Variants in CCDC169 observed in about 807,000 individuals in gnomAD.
The protein encoded by CCDC169 is coiled-coil domain-containing protein 169.
A neutral mutation model predicts 36.0 loss-of-function variants in CCDC169; 30 were observed. The observed-to-expected ratio is 0.83, with a 90% confidence interval of 0.62 to 1.13. CCDC169 has a LOEUF of 1.13. Among genes scored for constraint, CCDC169 ranks in the 50% most tolerant of loss-of-function variants. The pLI is 0.00. For missense variants in CCDC169, 245 were observed against 245.9 expected, an observed-to-expected ratio of 1.00 and a Z score of 0.03; for synonymous variants, 85 against 81.5, an observed-to-expected ratio of 1.04 and a Z score of -0.23.
At chr13:36,264,535 GAT>G (rs1192286780) in intron 4 of CCDC169, among the ~76,000 whole-genome samples, 9 of 152,180 alleles carry the variant, frequency 5.9e-5, no homozygotes, top group African/African-American at 1.9e-4. Context: ...TTAAAGAAGA[GAT>G]ATGATGAAAA....
In CCDC169 at chr13:36,245,523, T is replaced by C. The variant is rs182532430; in HGVS notation, c.545+3083A>G. On this transcript the variant is annotated intron_variant, in intron 7 of 7. Transcript: ENST00000239859. ...ATGTTTCCCAAGTTGGTCTTGAACT[T>C]GAGGCCTCAAGCAATCCTCCCGCCT... 2.8e-4 allele frequency among the ~76,000 whole-genome samples: 42 copies of C among 152,198 alleles called. No individual in the cohort carries two copies. In the Middle Eastern group the frequency reaches 0.01, roughly 37 times the overall value.
chr13:36,285,607 A>ATAGATAGATAGATAGATAGATAGC (rs1180330152), intron 2 of CCDC169, among the ~76,000 whole-genome samples: 1 of 149,162 alleles, frequency 6.7e-6, no homozygotes, highest in Admixed American at 6.8e-5. Context: ...AGATAGATAG[A>ATAGATAGATAGATAGATAGATAGC]TAGATAGATA....
At chr13:36,253,570 C>T (rs762955527) in intron 6 of CCDC169, among the ~76,000 whole-genome samples, 2 of 152,018 alleles carry the variant, frequency 1.3e-5, no homozygotes, top group African/African-American at 2.4e-5. Context: ...TGCCTGACCT[C>T]GTGATCCGAC....
intron 7 of CCDC169, among the ~76,000 whole-genome samples, chr13:36,238,831 G>A (rs1871392350): frequency 6.6e-6 from 1 of 152,126 alleles, no homozygotes; most frequent in Non-Finnish European, 1.5e-5. Context: ...CCAAACTGCA[G>A]AATGCAACTC....
At chr13:36,288,022 T>C (rs1033236802) in intron 2 of CCDC169, among the ~76,000 whole-genome samples, 2 of 152,110 alleles carry the variant, frequency 1.3e-5, no homozygotes, top group African/African-American at 2.4e-5. Context: ...TTAATTTTTT[T>C]TTTTGAGATG....
At chr13:36,241,068 A>C (rs1871764796) in intron 7 of CCDC169, among the ~76,000 whole-genome samples, 1 of 152,122 alleles carries the variant, frequency 6.6e-6, no homozygotes, top group Admixed American at 6.5e-5. Context: ...ATATAGTAGG[A>C]CTATAATAGT....
chr13:36,279,305 C>T (rs1348177746), intron 4 of CCDC169, among the ~76,000 whole-genome samples: 1 of 152,102 alleles, frequency 6.6e-6, no homozygotes, highest in African/African-American at 2.4e-5. Context: ...CCATGAATAC[C>T]AAACCCTTTA....
intron 4 of CCDC169, among the ~76,000 whole-genome samples, chr13:36,264,241 A>G (rs143402299): frequency 1.1e-3 from 170 of 152,298 alleles, no homozygotes; most frequent in African/African-American, 3.8e-3. Flanking sequence ...AAAATCTGAA[A>G]CATACACAAT....
At chr13:36,259,507 A>G (rs1199495232) in intron 4 of CCDC169, among the ~76,000 whole-genome samples, 1 of 152,212 alleles carries the variant, frequency 6.6e-6, no homozygotes, top group Non-Finnish European at 1.5e-5. Context: ...AGGTCTGAGT[A>G]TGTTCCCTGG....
At chr13:36,229,889 A>G (rs937243960), downstream of CCDC169, among the ~76,000 whole-genome samples, 4 of 152,122 alleles carry the variant, frequency 2.6e-5, no homozygotes, top group Non-Finnish European at 5.9e-5. Context: ...GCTGAGAAAG[A>G]TGGTATAAGA....
chr13:36,259,730 G>A (rs891298631), intron 4 of CCDC169, among the ~76,000 whole-genome samples: 11 of 152,244 alleles, frequency 7.2e-5, no homozygotes, highest in Non-Finnish European at 1.6e-4. Context: ...ACCAATCAGA[G>A]GCTGAAGTGA....
At chr13:36,229,599 A>G (rs1253970661), downstream of CCDC169, among the ~76,000 whole-genome samples, 1 of 142,752 alleles carries the variant, frequency 7.0e-6, no homozygotes, top group African/African-American at 2.6e-5. Flanking sequence ...GTGCAGTGGC[A>G]TGATCTCAGT....
intron 1 of CCDC169, 68 bp downstream of exon 1, chr13:36,297,567 CCT>C: frequency 6.9e-7 from 1 of 1,455,790 alleles, no homozygotes; most frequent in East Asian, 2.5e-5. Flanking sequence ...CGGCTTCAGC[CCT>C]GAGACTCTGC....
chr13:36,268,112 A>C (rs965988574), intron 4 of CCDC169, among the ~76,000 whole-genome samples: 3 of 152,214 alleles, frequency 2.0e-5, no homozygotes, highest in African/African-American at 7.2e-5. Context: ...GACACTCCAG[A>C]ACAAATGCAC....
intron 4 of CCDC169, among the ~76,000 whole-genome samples, chr13:36,269,060 T>A (rs1288273288): frequency 6.6e-6 from 1 of 151,802 alleles, no homozygotes; most frequent in South Asian, 2.1e-4. Context: ...ACTGAGATTG[T>A]GCCACTGCAC....
chr13:36,291,480 T>C (rs905028217), intron 2 of CCDC169, among the ~76,000 whole-genome samples: 3 of 152,184 alleles, frequency 2.0e-5, no homozygotes. Flanking sequence ...GTGGGATCAT[T>C]TAAAAACCCT....
chr13:36,283,816 A>G (rs1288427214), intron 2 of CCDC169, 114 bp from the exon 3 acceptor site: 5 of 768,758 alleles, frequency 6.5e-6, no homozygotes, highest in Non-Finnish European at 1.0e-5. Flanking sequence ...TTTATTGGCA[A>G]TACAGATCAA....
intron 2 of CCDC169, among the ~76,000 whole-genome samples, chr13:36,283,973 T>C (rs1877861305): frequency 6.6e-6 from 1 of 152,192 alleles, no homozygotes. Context: ...ACCTGCTTTT[T>C]TCTTTTACTT....
intron 4 of CCDC169, among the ~76,000 whole-genome samples, chr13:36,256,373 A>G (rs1266773477): frequency 6.6e-6 from 1 of 152,156 alleles, no homozygotes; most frequent in Non-Finnish European, 1.5e-5. Context: ...ACTTATAATC[A>G]TGGTGGAAGG....
Sources: allele counts gnomAD v4.1 joint callset (sites outside exome capture counted in the v4.1 genomes callset), GRCh38; gene constraint gnomAD v4.1.1; transcripts MANE v1.5; gene names NCBI Gene and HGNC (gene_info 2026-07-23, HGNC 2026-07-21).